UBR4: variants seen among roughly 807,000 people sequenced by gnomAD.
UBR4 encodes E3 ubiquitin-protein ligase UBR4.
UBR4 carries 124 observed loss-of-function variants against 575.6 expected under a neutral mutation model. That is an observed-to-expected ratio of 0.22 (90% confidence interval 0.19 to 0.25). UBR4 has a LOEUF of 0.25. Among genes scored for constraint, UBR4 ranks in the 10% least tolerant of loss-of-function variants. UBR4 has a pLI of 1.00. For synonymous variants in UBR4, 2,455 were observed against 2,473.7 expected (o/e 0.99, Z 0.22); for missense variants, 4,818 against 6,478.8 (o/e 0.74, Z 8.80).
Position 19,085,358 on chromosome 1 carries a change from C to T in UBR4, c.14814-660G>A, listed in dbSNP as rs1457379080. On this transcript the variant is annotated intron_variant, in intron 101 of 105. Coordinates refer to ENST00000375254, the MANE Select transcript of UBR4 (RefSeq NM_020765.3). ...CCAACATGGCAAAACCCCGTCTCTA[C>T]TAAAAATACAAAAATTAGCTGGGCA... Among the ~76,000 whole-genome samples the T allele has an allele frequency of 2.6e-5, 4 of 152,194 alleles. No individual in the cohort carries two copies. The East Asian group carries it at 7.7e-4, about 29-fold the overall frequency.
intron 21 of UBR4, among the ~76,000 whole-genome samples, chr1:19,174,706 C>T (rs1353444298): frequency 6.6e-6 from 1 of 152,158 alleles, no homozygotes; most frequent in African/African-American, 2.4e-5. Flanking sequence ...GTGAAAAATG[C>T]TAACAAAGAC....
At chr1:19,195,582 T>C (rs1389834907) in intron 8 of UBR4, among the ~76,000 whole-genome samples, 1 of 152,134 alleles carries the variant, frequency 6.6e-6, no homozygotes, top group African/African-American at 2.4e-5. Flanking sequence ...AATTTAAAAA[T>C]GCAAAATCAA....
intron 25 of UBR4, among the ~76,000 whole-genome samples, chr1:19,171,145 T>C (rs934214281): frequency 6.6e-6 from 1 of 152,158 alleles, no homozygotes; most frequent in Non-Finnish European, 1.5e-5. Flanking sequence ...TCTATCCTCC[T>C]TCCCCACCTC....
chr1:19,076,993 A>G, intron 104 of UBR4, 91 bp from the exon 105 acceptor site: 1 of 1,399,304 alleles, frequency 7.1e-7, no homozygotes, highest in Non-Finnish European at 9.7e-7. Flanking sequence ...CAACCCCTCA[A>G]AGGACAGCCC....
At chr1:19,127,930 T>C (rs541491885) in intron 62 of UBR4, among the ~76,000 whole-genome samples, 191 bp from the exon 63 acceptor site, 1 of 152,280 alleles carries the variant, frequency 6.6e-6, no homozygotes, top group South Asian at 2.1e-4. Flanking sequence ...TAAGAGGCCA[T>C]ATTAAGATAC....
intron 51 of UBR4, among the ~76,000 whole-genome samples, chr1:19,147,308 T>C (rs2085005339): frequency 6.6e-6 from 1 of 152,248 alleles, no homozygotes; most frequent in South Asian, 2.1e-4. Flanking sequence ...AGTCATTTCT[T>C]AGCAAATTCA....
At chr1:19,115,193 G>A (rs900712096) in intron 74 of UBR4, among the ~76,000 whole-genome samples, 2 of 73,676 alleles carry the variant, frequency 2.7e-5, no homozygotes, top group East Asian at 1.4e-3. Context: ...ACACTCGTGT[G>A]CACATGCACA....
In UBR4 at chr1:19,150,701, G is replaced by A. The variant is rs940748924; in HGVS notation, c.7306C>T (p.Pro2436Ser). 4.3e-6 allele frequency: 7 copies of A among 1,613,926 alleles called. No homozygotes were observed. The African/African-American group carries it at 8.0e-5, about 18-fold the overall frequency. Residue 2436 changes from proline (P) to serine (S), a missense_variant, in exon 49 of 106, where the codon CCC (proline) becomes TCC (serine). Transcript: ENST00000375254. Reference sequence around the variant, plus strand: ...GAGGCAGAAGGGAATTCTTCTGGGGGCTCATCAGGCCAGCCAAACTGCTCC... The same window carrying A: ...GAGGCAGAAGGGAATTCTTCTGGGGACTCATCAGGCCAGCCAAACTGCTCC... The part of the protein sequence containing the change: ...TKEQFGWPDE[P>S]PEEFPSASVS...
chr1:19,146,755 C>T (rs2084928371), intron 52 of UBR4, 71 bp downstream of exon 52: 1 of 1,532,834 alleles, frequency 6.5e-7, no homozygotes, highest in Non-Finnish European at 8.8e-7. Flanking sequence ...CCAGTAAGAA[C>T]AGTAAGAATG....
chr1:19,108,407 A>C (rs1472378050), intron 81 of UBR4, among the ~76,000 whole-genome samples: 1 of 151,902 alleles, frequency 6.6e-6, no homozygotes, highest in African/African-American at 2.4e-5. Flanking sequence ...GCACAAGCGG[A>C]GATCCATGGA....
At chr1:19,105,940 T>A in intron 83 of UBR4, 98 bp from the exon 84 acceptor site, 1 of 781,362 alleles carries the variant, frequency 1.3e-6, no homozygotes, top group Non-Finnish European at 1.9e-6. Flanking sequence ...CTAGGAGAGG[T>A]CTTCTGGGCA....
intron 105 of UBR4, among the ~76,000 whole-genome samples, chr1:19,075,896 T>C (rs10158468): frequency 0.68 from 103,903 of 152,142 alleles, 36,398 homozygotes; most frequent in African/African-American, 0.83. Context: ...CCACAACGAA[T>C]GCCATAAAAA....
At position 19,150,869 on chromosome 1, in the gene UBR4, T is replaced by C. The variant is rs146501285; in HGVS notation, c.7214-76A>G. 564 of 1,447,748 alleles carry C rather than the reference T, an allele frequency of 3.9e-4. 2 individuals are homozygous for C. In the African/African-American group the frequency reaches 5.4e-3, roughly 14 times the overall value. The allele number at this position is 1,447,748 out of a possible 1,614,324, so 89.7% of individuals were successfully genotyped here. On this transcript the variant is annotated intron_variant, in intron 48 of 105. Coordinates refer to ENST00000375254, the MANE Select transcript of UBR4 (RefSeq NM_020765.3). ...CCCTCCAAAGCAAAGACCAGAACAG[T>C]TGGAGCAAAGAAGTAAATCACGTCA...
At chr1:19,101,664 A>C in intron 87 of UBR4, 23 bp from the exon 88 acceptor site, 1 of 1,589,590 alleles carries the variant, frequency 6.3e-7, no homozygotes, top group South Asian at 1.1e-5. Flanking sequence ...AAAGCGGCCA[A>C]GTTAGGAAAG....
intron 87 of UBR4, among the ~76,000 whole-genome samples, chr1:19,103,847 T>G (rs917045496): frequency 6.6e-6 from 1 of 152,230 alleles, no homozygotes; most frequent in Admixed American, 6.5e-5. Flanking sequence ...GAGAGAGCCT[T>G]TGACCTTGCA....
chr1:19,159,911 T>TTTTTTTTTTTTTTTTTTTGAGACG (rs1571268610), intron 39 of UBR4, among the ~76,000 whole-genome samples, 200 bp downstream of exon 39: 1 of 152,130 alleles, frequency 6.6e-6, no homozygotes, highest in South Asian at 2.1e-4. Context: ...TCTCTTCTTT[T>TTTTTTTTTTTTTTTTTTTGAGACG]GAAGCCAAAC....
rs753151590 is a variant in UBR4 at position 19,187,122 on chromosome 1, G to A, written c.1632+42C>T. On this transcript the variant is annotated intron_variant, in intron 13 of 105. Coordinates refer to ENST00000375254, the MANE Select transcript of UBR4 (RefSeq NM_020765.3). ...CATATATATATCATATATATAAAATGAGACATTCTTCTAAATTATCAATGG... is the reference window on the plus strand; with the variant it reads ...CATATATATATCATATATATAAAATAAGACATTCTTCTAAATTATCAATGG... 1.7e-5 allele frequency: 25 copies of A among 1,499,542 alleles called. No homozygotes were observed. The African/African-American group carries it at 3.4e-4, about 20-fold the overall frequency. 92.9% of individuals were successfully genotyped at this position (1,499,542 alleles called of 1,614,324 possible).
intron 39 of UBR4, among the ~76,000 whole-genome samples, chr1:19,159,431 TTAGAG>T (rs2086942173): frequency 6.6e-6 from 1 of 152,286 alleles, no homozygotes; most frequent in African/African-American, 2.4e-5. Flanking sequence ...TAGATGAACT[TTAGAG>T]AAGATACAAT....
chr1:19,143,981 CA>C lies in UBR4; in HGVS notation c.8177del (p.Met2726ArgfsTer93). 1 of 1,613,514 alleles carries C rather than the reference CA, an allele frequency of 6.2e-7. No homozygotes were observed. The highest frequency in any genetic ancestry group is 8.5e-7 in the Non-Finnish European group (1 of 1,179,546). ...GCCTAAACCCAGACCTCATATTACC[CA>C]TTGGAGTGTTGCTTCGAGGGGAAGA... ...LPSSPRSNTP[M>X]GDKDDDDDDD... On this transcript the variant is annotated frameshift_variant and splice_region_variant, in exon 55 of 106. Coordinates refer to ENST00000375254, the MANE Select transcript of UBR4 (RefSeq NM_020765.3). LOFTEE classifies it high-confidence loss of function.
Sources: gnomAD v4.1 joint callset for allele counts (sites outside exome capture counted in the v4.1 genomes callset) on GRCh38, gnomAD v4.1.1 for gene constraint, MANE v1.5 for transcripts, NCBI Gene and HGNC (gene_info 2026-07-23, HGNC 2026-07-21) for gene names.